Variants in VILL observed in about 807,000 individuals in gnomAD.
VILL encodes villin like, also known as villin-like protein.
VILL carries 102 observed loss-of-function variants against 106.3 expected under a neutral mutation model. That is an observed-to-expected ratio of 0.96 (90% confidence interval 0.82 to 1.13). VILL has a LOEUF of 1.13. VILL is among the 50% of genes most tolerant of loss of function. The pLI, the probability that VILL is intolerant of heterozygous loss-of-function variation, is 0.00. For missense variants in VILL, 1,076 were observed against 1,116.6 expected, an observed-to-expected ratio of 0.96 and a Z score of 0.52; for synonymous variants, 431 against 440.3, an observed-to-expected ratio of 0.98 and a Z score of 0.27.
intron 11 of VILL, 148 bp from the exon 12 acceptor site, chr3:38,001,308 G>A (rs1330122429): frequency 2.5e-6 from 3 of 1,203,864 alleles, no homozygotes; most frequent in Non-Finnish European, 3.5e-6. Flanking sequence ...ACAAGGCCCA[G>A]AATGGGCCTG....
intron 11 of VILL, 97 bp from the exon 12 acceptor site, chr3:38,001,359 C>G (rs370072535): frequency 4.5e-6 from 7 of 1,552,146 alleles, no homozygotes; most frequent in East Asian, 4.5e-5. Flanking sequence ...ATGAGGAAGG[C>G]CTCAGAGGCT....
intron 5 of VILL, 23 bp downstream of exon 5, chr3:37,995,870 T>C (rs1261550919): frequency 1.3e-6 from 2 of 1,598,330 alleles, no homozygotes; most frequent in South Asian, 1.1e-5. Flanking sequence ...GGGGAGCCTC[T>C]TGACCTCTGA....
intron 15 of VILL, 173 bp from the exon 16 acceptor site, chr3:38,004,082 A>G: frequency 1.3e-6 from 1 of 767,154 alleles, no homozygotes; most frequent in Non-Finnish European, 2.0e-6. Context: ...GCAGAGAGGG[A>G]CCCTGTACCC....
rs760312070 is a variant in VILL at position 37,998,140 on chromosome 3, C to T, written c.815C>T (p.Pro272Leu). Residue 272 changes from proline (P) to leucine (L), a missense_variant, in exon 8 of 20, where the codon CCA becomes CTA. Coordinates refer to ENST00000383759, the MANE Select transcript of VILL (RefSeq NM_015873.4). The surrounding 1 kb of genome is among the most constrained non-coding windows in gnomAD (Gnocchi z 4.1). Reference protein sequence around the residue: ...DLVVLELATPPLTQDLLQEED... With the variant: ...DLVVLELATPLLTQDLLQEED... ...GTGGTCCTGGAGTTGGCGACCCCCC[C>T]ACTGACCCAGGACCTGCTGCAGGAG... 15 of 1,613,736 alleles carry T rather than the reference C, an allele frequency of 9.3e-6. No homozygotes were observed. The highest frequency in any genetic ancestry group is 1.3e-5 in the African/African-American group (1 of 74,884).
chr3:38,004,226 C>T (rs1193105768), intron 15 of VILL, 29 bp from the exon 16 acceptor site: 2 of 1,594,140 alleles, frequency 1.3e-6, no homozygotes, highest in Non-Finnish European at 8.6e-7. Context: ...CTCTGGGTGG[C>T]TCACAGCCTT....
intron 5 of VILL, among the ~76,000 whole-genome samples, chr3:37,996,223 G>A (rs1699698646): frequency 6.6e-6 from 1 of 152,196 alleles, no homozygotes; most frequent in Non-Finnish European, 1.5e-5. Flanking sequence ...AGATGGGGCA[G>A]ATGATATGGC....
In VILL at chr3:38,001,693, C is replaced by G; in HGVS notation, c.1321-9C>G. On this transcript the variant is annotated splice_polypyrimidine_tract_variant and intron_variant, in intron 12 of 19. Transcript: ENST00000383759. ...GGGCCAGGCCCTCACTCACTGCCCCCACCTGCAGGGCCACCAGGCCACTGC... is the reference window on the plus strand; with the variant it reads ...GGGCCAGGCCCTCACTCACTGCCCCGACCTGCAGGGCCACCAGGCCACTGC... The G allele has an allele frequency of 1.2e-6, 2 of 1,614,136 alleles. No individual in the cohort carries two copies. Among genetic ancestry groups the G allele is most frequent in the Non-Finnish European group, 1.7e-6 (2 of 1,179,976 alleles).
Position 38,007,153 on chromosome 3 carries a change from C to T in VILL, c.*98C>T. 1 of 1,001,140 alleles carries T rather than the reference C, an allele frequency of 1.0e-6. No individual in the cohort carries two copies. The highest frequency in any genetic ancestry group is 1.5e-6 in the Non-Finnish European group (1 of 654,284). 62.0% of individuals were successfully genotyped at this position (1,001,140 alleles called of 1,614,324 possible). On this transcript the variant is annotated 3_prime_UTR_variant, in exon 20 of 20. Transcript: ENST00000383759. ...ACTCCCCTCAGAGGCTTTTGGTCAT[C>T]CTCTGCGTGTCAGTAAAAGCAGGCA... is the stretch of plus-strand genomic sequence containing the variant.
chr3:37,999,966 G>A (rs1039855858), intron 11 of VILL, among the ~76,000 whole-genome samples: 1 of 152,278 alleles, frequency 6.6e-6, no homozygotes, highest in Non-Finnish European at 1.5e-5. Context: ...TCTCAGCCCA[G>A]TGTCCTGCGA....
At chr3:38,006,116 A>G in intron 17 of VILL, 65 bp from the exon 18 acceptor site, 1 of 1,610,544 alleles carries the variant, frequency 6.2e-7, no homozygotes. Context: ...CAGGCCCCTC[A>G]TGTGTCCCAT....
intron 5 of VILL, 41 bp downstream of exon 5, chr3:37,995,888 T>C (rs1699692257): frequency 6.4e-7 from 1 of 1,552,140 alleles, no homozygotes; most frequent in East Asian, 2.3e-5. Flanking sequence ...TGAACTCGGC[T>C]CAGACTGGGT....
rs910976650 is a variant in VILL, at chr3:37,990,951, G to C, written c.-87+122G>C. 2 of 152,380 alleles carry C rather than the reference G, an allele frequency of 1.3e-5. No individual in the cohort carries two copies. Among genetic ancestry groups the C allele is most frequent in the African/African-American group, 4.8e-5 (2 of 41,448 alleles). 9.4% of individuals were successfully genotyped at this position (152,380 alleles called of 1,614,324 possible). ...GGGCTCAGGGCCACAGAGCCTCCGC[G>C]GCAGAATTGGGAGGCGGCAGCAGCC... On this transcript the variant is annotated intron_variant, in intron 1 of 19. Coordinates refer to ENST00000383759, the MANE Select transcript of VILL (RefSeq NM_015873.4). This position sits in a 1 kb window ranked among gnomAD's most constrained non-coding sequence, Gnocchi z 5.1.
intron 1 of VILL, among the ~76,000 whole-genome samples, chr3:37,991,464 T>G (rs1575332231): frequency 6.3e-5 from 8 of 126,112 alleles, no homozygotes; most frequent in Admixed American, 8.3e-5. Flanking sequence ...GGAGGAAAAA[T>G]GGGAGAAAAA....
intron 19 of VILL, 119 bp from the exon 20 acceptor site, chr3:38,006,823 G>C: frequency 6.6e-7 from 1 of 1,524,878 alleles, no homozygotes; most frequent in Non-Finnish European, 8.9e-7. Flanking sequence ...TCTAGCTGGG[G>C]TGGTGGGCAA....
chr3:37,990,044 C>T (rs1454882334), upstream of VILL, among the ~76,000 whole-genome samples: 4 of 152,204 alleles, frequency 2.6e-5, no homozygotes, highest in East Asian at 5.8e-4. This position sits in a 1 kb window ranked among gnomAD's most constrained non-coding sequence, Gnocchi z 5.1. Flanking sequence ...GGATGGCCCA[C>T]GCTGGCTGGG....
upstream of VILL, chr3:37,987,980 T>G (rs1471381708): frequency 6.6e-6 from 1 of 152,320 alleles, no homozygotes; most frequent in Non-Finnish European, 1.5e-5. Context: ...AAGATCCCAC[T>G]TAGCAAAGAG....
At chr3:37,988,834 C>T (rs1699578212), upstream of VILL, among the ~76,000 whole-genome samples, 1 of 152,114 alleles carries the variant, frequency 6.6e-6, no homozygotes, top group Non-Finnish European at 1.5e-5. Context: ...TGCACTCCAG[C>T]CTCGGCAACA....
At position 38,004,112 on chromosome 3, in the gene VILL, G is replaced by T. The variant is rs1252105876; in HGVS notation, c.1806-143G>T. 42 of 1,137,238 alleles carry T rather than the reference G, an allele frequency of 3.7e-5. 2 individuals are homozygous for T. In the South Asian group the frequency reaches 6.5e-4, roughly 18 times the overall value. The allele number at this position is 1,137,238 out of a possible 1,614,324, so 70.4% of individuals were successfully genotyped here. ...GTACCCAGAGCAGAGCGGAGTGCTC[G>T]GGGAGAAACCACGGGGCTCAGAGGA... On this transcript the variant is annotated intron_variant, in intron 15 of 19. Transcript: ENST00000383759.
At position 37,999,326 on chromosome 3, in the gene VILL, G is replaced by A. The variant is rs1699771110; in HGVS notation, c.1082-13G>A. 6.6e-7 allele frequency: 1 copy of A among 1,508,716 alleles called. No homozygotes were observed. Among genetic ancestry groups the A allele is most frequent in the Non-Finnish European group, 8.9e-7 (1 of 1,129,764 alleles). 93.5% of individuals were successfully genotyped at this position (1,508,716 alleles called of 1,614,324 possible). On this transcript the variant is annotated splice_polypyrimidine_tract_variant and intron_variant, in intron 10 of 19. Coordinates refer to ENST00000383759, the MANE Select transcript of VILL (RefSeq NM_015873.4). The stretch of plus-strand genomic sequence containing the variant: ...GCAGAGGGCGCCACTGACGCCTACT[G>A]TCCCCCCTTCAGATAAATCGATTCA...
Sources: gnomAD v4.1 joint callset for allele counts (sites outside exome capture counted in the v4.1 genomes callset) on GRCh38, gnomAD v4.1.1 for gene constraint, Gnocchi (gnomAD v3.1) non-coding constraint, MANE v1.5 for transcripts, NCBI Gene and HGNC (gene_info 2026-07-23, HGNC 2026-07-21) for gene names.